The following WDR25 variants were observed in gnomAD, a reference collection of about 807,000 sequenced individuals.
WDR25 encodes the protein WD repeat-containing protein 25.
WDR25 carries 35 observed loss-of-function variants against 47.7 expected under a neutral mutation model. The ratio of observed to expected loss-of-function variants is 0.73; its 90% CI spans 0.56 to 0.97. The LOEUF is 0.97. Among genes scored for constraint, WDR25 ranks in the 50% least tolerant of loss-of-function variants. WDR25 has a pLI of 0.00. For synonymous variants in WDR25, 248 were observed against 278.9 expected (o/e 0.89, Z 1.10); for missense variants, 634 against 704.7 (o/e 0.90, Z 1.14).
Position 100,381,449 on chromosome 14 carries a change from C to A in WDR25, c.525C>A (p.Pro175=), listed in dbSNP as rs760964529. Residue 175 remains proline (P), a synonymous_variant, in exon 2 of 7, where the codon CCC becomes CCA. Coordinates refer to ENST00000402312, the MANE Select transcript of WDR25 (RefSeq NM_001161476.3). ...AAAAATGTGAGGACTGTGTGGTACC[C>A]TATACTCCCAGAAGACTAAGACAGC... ...QKKKCEDCVV[P]YTPRRLRQRQ... 2 of 1,614,186 alleles carry A rather than the reference C, an allele frequency of 1.2e-6. No homozygotes were observed.
rs368747283 is a variant in WDR25, at chr14:100,481,437, T to A, written c.971-2557T>A. Among the ~76,000 whole-genome samples the A allele has an allele frequency of 1.9e-4, 20 of 107,596 alleles. 1 individual carries two copies. Among genetic ancestry groups the A allele is most frequent in the African/African-American group, 7.9e-4 (20 of 25,326 alleles). 70.6% of individuals were successfully genotyped at this position (107,596 alleles called of 152,430 possible). On this transcript the variant is annotated intron_variant, in intron 3 of 6. Coordinates refer to ENST00000402312, the MANE Select transcript of WDR25 (RefSeq NM_001161476.3). ...CCTCATCCCATTTTTTAAGTGTAAA[T>A]GCTTTTTTTTTTTTTTTAAGAGGTG...
chr14:100,529,940 C>A lies in WDR25; in HGVS notation c.1534C>A (p.Gln512Lys), dbSNP rs781419674. 10 of 1,613,558 alleles carry A rather than the reference C, an allele frequency of 6.2e-6. No homozygotes were observed. The South Asian group carries it at 1.1e-4, about 18-fold the overall frequency. Residue 512 changes from glutamine to lysine, a missense_variant, in exon 7 of 7, where the codon CAG becomes AAG. Physicochemically the swap from Gln to Lys is moderately conservative, Grantham distance 53. Transcript: ENST00000402312. This position sits in a 1 kb window ranked among gnomAD's most constrained non-coding sequence, Gnocchi z 5.1. ...FRTASRACTLQGHTQACVGTT... is the reference protein window; with the variant it reads ...FRTASRACTLKGHTQACVGTT... Reference sequence around the variant, plus strand: ...CACAGCCAGCCGAGCATGCACACTGCAGGGGCACACACAGGCCTGTGTCGG... The same window carrying A: ...CACAGCCAGCCGAGCATGCACACTGAAGGGGCACACACAGGCCTGTGTCGG...
At position 100,440,587 on chromosome 14, in the gene WDR25, T is replaced by C. The variant is rs528057562; in HGVS notation, c.823-27434T>C. On this transcript the variant is annotated intron_variant, in intron 2 of 6. Coordinates refer to ENST00000402312, the MANE Select transcript of WDR25 (RefSeq NM_001161476.3). The surrounding 1 kb of genome is among the most constrained non-coding windows in gnomAD (Gnocchi z 4.4). ...AAAACACAGGCTCCTGCTTTGTCCA[T>C]GTGGAAGGAGCCCAGGCTGCCCTGG... Among the ~76,000 whole-genome samples the C allele has an allele frequency of 3.9e-5, 6 of 152,362 alleles. No individual in the cohort carries two copies. Among genetic ancestry groups the C allele is most frequent in the Admixed American group, 2.0e-4 (3 of 15,312 alleles).
Position 100,464,390 on chromosome 14 carries a change from T to C in WDR25, c.823-3631T>C, listed in dbSNP as rs1160837443. 2.6e-5 allele frequency among the ~76,000 whole-genome samples: 4 copies of C among 152,194 alleles called. No individual in the cohort carries two copies. The South Asian group carries it at 8.3e-4, about 31-fold the overall frequency. On this transcript the variant is annotated intron_variant, in intron 2 of 6. Coordinates refer to ENST00000402312, the MANE Select transcript of WDR25 (RefSeq NM_001161476.3). ...AATACTTCAGTCTTCACCACTGCCT[T>C]AAGGACTGTGGATTTTTATTTGTTC...
In WDR25 at chr14:100,468,464, A is replaced by G. The variant is rs149722377; in HGVS notation, c.970+296A>G. Among the ~76,000 whole-genome samples the G allele has an allele frequency of 3.3e-4, 50 of 152,312 alleles. No individual in the cohort carries two copies. The highest frequency in any genetic ancestry group is 1.0e-3 in the African/African-American group (42 of 41,550). ...GCTTTTTAATCTACTTCTGACATGC[A>G]ATTTGTGCTGAAATAGATTTAACTT... is the stretch of plus-strand genomic sequence containing the variant. On this transcript the variant is annotated intron_variant, in intron 3 of 6. Transcript: ENST00000402312. This position sits in a 1 kb window ranked among gnomAD's most constrained non-coding sequence, Gnocchi z 4.5.
Position 100,455,892 on chromosome 14 carries a change from TC to T in WDR25, c.823-12127del, listed in dbSNP as rs1360921500. The stretch of plus-strand genomic sequence containing the variant: ...AACAAATATTTGGGTCTCCTCACTC[TC>T]CTAAATATTCCTATCAGGAGGCTGG... On this transcript the variant is annotated intron_variant, in intron 2 of 6. Transcript: ENST00000402312. Among the ~76,000 whole-genome samples, 4 of 152,334 alleles carry T rather than the reference TC, an allele frequency of 2.6e-5. No homozygotes were observed. In the East Asian group the frequency reaches 7.7e-4, roughly 29 times the overall value.
At position 100,530,244 on chromosome 14, in the gene WDR25, C is replaced by T. The variant is rs1478444349; in HGVS notation, c.*203C>T. 4.4e-5 allele frequency: 25 copies of T among 572,814 alleles called. No individual in the cohort carries two copies. Among genetic ancestry groups the T allele is most frequent in the East Asian group, 6.1e-5 (2 of 32,752 alleles). The allele number at this position is 572,814 out of a possible 1,614,324, so 35.5% of individuals were successfully genotyped here. A position where few individuals can be genotyped will look rare whatever the true frequency, so the allele number is the denominator to read the frequency against. ...GGACTACACTAGTGAAAGCGCCTGGCGGGCAGCCGGCGATGCCCAATAAAT... is the reference window on the plus strand; with the variant it reads ...GGACTACACTAGTGAAAGCGCCTGGTGGGCAGCCGGCGATGCCCAATAAAT... On this transcript the variant is annotated 3_prime_UTR_variant, in exon 7 of 7. Coordinates refer to ENST00000402312, the MANE Select transcript of WDR25 (RefSeq NM_001161476.3).
chr14:100,457,286 A>G (rs935538285), intron 2 of WDR25, among the ~76,000 whole-genome samples: 11 of 152,232 alleles, frequency 7.2e-5, no homozygotes, highest in African/African-American at 2.7e-4. Flanking sequence ...TTAAGGGGAA[A>G]AAAACTTAAA....
At chr14:100,478,166 A>G (rs891938272) in intron 3 of WDR25, among the ~76,000 whole-genome samples, 2 of 152,196 alleles carry the variant, frequency 1.3e-5, no homozygotes, top group Non-Finnish European at 2.9e-5. Context: ...AAATGAACCA[A>G]TTGTGAATTC....
intron 2 of WDR25, among the ~76,000 whole-genome samples, chr14:100,431,002 A>G (rs1486404448): frequency 1.3e-5 from 2 of 152,188 alleles, no homozygotes; most frequent in East Asian, 3.9e-4. Context: ...GTGTTTCCTG[A>G]GTGAGTCGAT....
chr14:100,427,452 A>G (rs1898202605), intron 2 of WDR25, among the ~76,000 whole-genome samples: 1 of 152,192 alleles, frequency 6.6e-6, no homozygotes, highest in African/African-American at 2.4e-5. Context: ...AGGGTGCAGT[A>G]GGCACTTTGA....
At chr14:100,485,651 G>A (rs1455891362) in intron 4 of WDR25, among the ~76,000 whole-genome samples, 1 of 152,202 alleles carries the variant, frequency 6.6e-6, no homozygotes, top group Non-Finnish European at 1.5e-5. Flanking sequence ...CATCTGCCTT[G>A]GTCCTAGACA....
In WDR25 at chr14:100,495,587, T is replaced by A. The variant is rs76378554; in HGVS notation, c.1101+11463T>A. Among the ~76,000 whole-genome samples the A allele has an allele frequency of 4.9e-3, 746 of 152,314 alleles. 4 individuals carry two copies. Among genetic ancestry groups the A allele is most frequent in the Non-Finnish European group, 6.9e-3 (472 of 68,030 alleles). ...CAATTTGTCAATTATAATTCAGTTT[T>A]CTGGCCCTGGTTCCTGTGGAAATTT... On this transcript the variant is annotated intron_variant, in intron 4 of 6. Transcript: ENST00000402312.
At chr14:100,439,956 T>C (rs528433527) in intron 2 of WDR25, among the ~76,000 whole-genome samples, 1 of 152,120 alleles carries the variant, frequency 6.6e-6, no homozygotes, top group Non-Finnish European at 1.5e-5. Flanking sequence ...CCACTTCCAG[T>C]TGGAGGAAGC....
At chr14:100,508,936 G>GT (rs970020471) in intron 4 of WDR25, among the ~76,000 whole-genome samples, 3 of 151,810 alleles carry the variant, frequency 2.0e-5, no homozygotes, top group Non-Finnish European at 2.9e-5. Flanking sequence ...TTCCTATTTG[G>GT]TTTTATGATA....
intron 2 of WDR25, among the ~76,000 whole-genome samples, chr14:100,445,688 G>T (rs1898809418): frequency 6.6e-6 from 1 of 152,104 alleles, no homozygotes; most frequent in South Asian, 2.1e-4. Flanking sequence ...AAGTTTCCAG[G>T]CTTTTGTTCT....
intron 3 of WDR25, 56 bp from the exon 4 acceptor site, chr14:100,483,938 T>G (rs901963533): frequency 2.6e-6 from 4 of 1,554,758 alleles, no homozygotes; most frequent in Non-Finnish European, 3.5e-6. Flanking sequence ...AGTTTTAAGA[T>G]ATTTGTTTTG....
chr14:100,447,087 T>G (rs976104612), intron 2 of WDR25, among the ~76,000 whole-genome samples: 11 of 152,230 alleles, frequency 7.2e-5, no homozygotes, highest in Non-Finnish European at 1.3e-4. Flanking sequence ...TTAGAAAATT[T>G]CTGGGCTCCA....
At chr14:100,510,365 T>C (rs1044710273) in intron 4 of WDR25, among the ~76,000 whole-genome samples, 1 of 151,890 alleles carries the variant, frequency 6.6e-6, no homozygotes, top group Admixed American at 6.6e-5. Flanking sequence ...ACTTCTGGGC[T>C]CAAGCGATCC....
Sources: gnomAD v4.1 joint callset for allele counts (sites outside exome capture counted in the v4.1 genomes callset) on GRCh38, gnomAD v4.1.1 for gene constraint, Gnocchi (gnomAD v3.1) non-coding constraint, MANE v1.5 for transcripts, NCBI Gene and HGNC (gene_info 2026-07-23, HGNC 2026-07-21) for gene names.